PPARGC1A: variants seen among roughly 807,000 people sequenced by gnomAD.
PPARGC1A encodes the protein peroxisome proliferator-activated receptor gamma coactivator 1-alpha.
A neutral mutation model predicts 88.7 loss-of-function variants in PPARGC1A; 25 were observed. The ratio of observed to expected loss-of-function variants is 0.28; its 90% CI spans 0.21 to 0.39. The LOEUF is 0.39. PPARGC1A is among the 10% of genes least tolerant of loss of function. The pLI is 1.00. For missense variants in PPARGC1A, 880 were observed against 968.7 expected (o/e 0.91, Z 1.22); for synonymous variants, 363 against 355.6 (o/e 1.02, Z -0.24).
At chr4:24,372,942 T>C in the PPARGC1A span, among the ~76,000 whole-genome samples, 4 of 152,160 alleles carry the variant, frequency 2.6e-5, no homozygotes, top group Non-Finnish European at 4.4e-5. Context: ...ATTTCTAGAA[T>C]CCTTAAGAGC....
At chr4:24,233,260 G>A in the PPARGC1A span, among the ~76,000 whole-genome samples, 9 of 152,182 alleles carry the variant, frequency 5.9e-5, no homozygotes, top group African/African-American at 1.9e-4. Context: ...CAATAGCCAA[G>A]CAAATATGAT....
chr4:23,865,074 ACT>A (rs1490699914), intron 2 of PPARGC1A, among the ~76,000 whole-genome samples: 5 of 152,036 alleles, frequency 3.3e-5, no homozygotes, highest in Non-Finnish European at 7.4e-5. Flanking sequence ...AATCCCAGCT[ACT>A]CGGGAGGCTG....
chr4:24,213,444 C>G, the PPARGC1A span, among the ~76,000 whole-genome samples: 10,163 of 152,088 alleles, frequency 0.067, 373 homozygotes, highest in South Asian at 0.11. Flanking sequence ...GGGATTACAG[C>G]AGTGAGCCAC....
the PPARGC1A span, among the ~76,000 whole-genome samples, chr4:24,421,342 G>A: frequency 2.8e-5 from 4 of 141,448 alleles, no homozygotes; most frequent in South Asian, 2.2e-4. Flanking sequence ...ATGGAGTCTC[G>A]CTCTGTCGCC....
the PPARGC1A span, among the ~76,000 whole-genome samples, chr4:24,434,298 G>A: frequency 5.3e-5 from 8 of 152,124 alleles, no homozygotes; most frequent in African/African-American, 1.9e-4. Flanking sequence ...GATTTTTCAC[G>A]GAGGATTTGC....
the PPARGC1A span, among the ~76,000 whole-genome samples, chr4:23,994,363 A>G: frequency 1.3e-5 from 2 of 152,154 alleles, no homozygotes; most frequent in African/African-American, 4.8e-5. Context: ...AACTACAGAA[A>G]GGGGCTGTTT....
At chr4:24,231,112 CAGCAGTGCTTCCAA>C in the PPARGC1A span, among the ~76,000 whole-genome samples, 1,161 of 152,174 alleles carry the variant, frequency 7.6e-3, 72 homozygotes, top group East Asian at 0.17. Flanking sequence ...AAAAAGGGCT[CAGCAGTGCTTCCAA>C]GAGAAAAATC....
At chr4:24,017,384 G>T in the PPARGC1A span, among the ~76,000 whole-genome samples, 3,025 of 152,214 alleles carry the variant, frequency 0.02, 60 homozygotes, top group South Asian at 0.086. Flanking sequence ...CTGAAGAAAT[G>T]AATGATGAGG....
the PPARGC1A span, among the ~76,000 whole-genome samples, chr4:24,107,689 A>G: frequency 6.6e-6 from 1 of 152,210 alleles, no homozygotes; most frequent in Admixed American, 6.5e-5. Context: ...TAGATTATGA[A>G]GGGCCTTGAA....
chr4:24,062,302 T>C, the PPARGC1A span, among the ~76,000 whole-genome samples: 2 of 152,234 alleles, frequency 1.3e-5, no homozygotes, highest in East Asian at 3.9e-4. Flanking sequence ...TAACGTTTCA[T>C]AGGATATGAC....
At chr4:23,884,995 G>A (rs1345142486) in intron 1 of PPARGC1A, 64 bp from the exon 2 acceptor site, 2 of 1,362,836 alleles carry the variant, frequency 1.5e-6, no homozygotes, top group Non-Finnish European at 2.0e-6. Context: ...TTATTAAACT[G>A]CAATAGCATG....
chr4:23,801,587 GT>G, intron 12 of PPARGC1A, 142 bp downstream of exon 12: 1 of 949,440 alleles, frequency 1.1e-6, no homozygotes, highest in Non-Finnish European at 1.6e-6. Flanking sequence ...TGTCTTATAC[GT>G]TTTTCTTAAA....
At chr4:23,939,270 A>G in the PPARGC1A span, among the ~76,000 whole-genome samples, 2 of 152,120 alleles carry the variant, frequency 1.3e-5, no homozygotes, top group African/African-American at 4.8e-5. Flanking sequence ...AAAATCCATA[A>G]TGACATTTTT....
chr4:24,015,223 T>C, the PPARGC1A span, among the ~76,000 whole-genome samples: 1 of 152,086 alleles, frequency 6.6e-6, no homozygotes, highest in Non-Finnish European at 1.5e-5. Flanking sequence ...TGTATACATA[T>C]ACATACGTAA....
the PPARGC1A span, among the ~76,000 whole-genome samples, chr4:24,005,347 C>T: frequency 1.1e-4 from 16 of 152,020 alleles, no homozygotes; most frequent in East Asian, 1.9e-4. Context: ...TCTATTGTCC[C>T]GGGCATGGTT....
the PPARGC1A span, among the ~76,000 whole-genome samples, chr4:24,143,967 G>C: frequency 6.6e-6 from 1 of 152,208 alleles, no homozygotes; most frequent in African/African-American, 2.4e-5. Context: ...GCATGCTTTT[G>C]ACTGAACAAC....
the PPARGC1A span, among the ~76,000 whole-genome samples, chr4:24,218,780 G>A: frequency 1.1e-4 from 16 of 152,322 alleles, no homozygotes; most frequent in African/African-American, 3.6e-4. Context: ...GTTGCTCAAT[G>A]TGCCTCTTGA....
the PPARGC1A span, among the ~76,000 whole-genome samples, chr4:24,102,152 A>G: frequency 4.6e-5 from 7 of 152,330 alleles, no homozygotes; most frequent in Admixed American, 1.3e-4. Flanking sequence ...CAGCATGGAG[A>G]CCCTGTCCCA....
chr4:24,243,564 C>G, the PPARGC1A span, among the ~76,000 whole-genome samples: 1 of 152,202 alleles, frequency 6.6e-6, no homozygotes, highest in Non-Finnish European at 1.5e-5. Context: ...ATTGCAACAC[C>G]CTCAGAAAGG....
Sources: allele counts gnomAD v4.1 joint callset (sites outside exome capture counted in the v4.1 genomes callset), GRCh38; gene constraint gnomAD v4.1.1; transcripts MANE v1.5; gene names NCBI Gene and HGNC (gene_info 2026-07-23, HGNC 2026-07-21).